The following COMMD10 variants were observed in gnomAD, a reference collection of about 807,000 sequenced individuals.
The protein encoded by COMMD10 is COMM domain containing 10, also known as COMM domain-containing protein 10.
In COMMD10, 33 loss-of-function variants were observed where a neutral mutation model predicts 28.9. That is an observed-to-expected ratio of 1.14 (90% confidence interval 0.87 to 1.53). The LOEUF (loss-of-function observed/expected upper bound fraction) is 1.53. Ranked by LOEUF, COMMD10 falls within the 40% of genes most tolerant of loss-of-function variation. COMMD10 has a pLI of 0.00. For missense variants in COMMD10, 310 were observed against 233.4 expected (o/e 1.33, Z -2.14); for synonymous variants, 110 against 81.7 (o/e 1.35, Z -1.87).
At chr5:116,247,071 C>T (rs1439242519) in intron 5 of COMMD10, among the ~76,000 whole-genome samples, 1 of 151,458 alleles carries the variant, frequency 6.6e-6, no homozygotes, top group Non-Finnish European at 1.5e-5. Context: ...GCAAACTTTG[C>T]ATCCAACAAA....
chr5:116,172,098 G>T (rs73255152), intron 5 of COMMD10, among the ~76,000 whole-genome samples: 1 of 151,994 alleles, frequency 6.6e-6, no homozygotes, highest in Non-Finnish European at 1.5e-5. Flanking sequence ...ACCAAAGGCT[G>T]GAAAAATATA....
chr5:116,211,580 A>G (rs1748965099), intron 5 of COMMD10, among the ~76,000 whole-genome samples: 1 of 151,580 alleles, frequency 6.6e-6, no homozygotes, highest in South Asian at 2.1e-4. Context: ...GTGCATGACT[A>G]TATATATATT....
chr5:116,126,955 C>T (rs1188952417), intron 4 of COMMD10, among the ~76,000 whole-genome samples: 2 of 152,088 alleles, frequency 1.3e-5, no homozygotes, highest in Non-Finnish European at 2.9e-5. Context: ...AGCTTCTGCA[C>T]AGCAAAAGAA....
At chr5:116,205,636 G>A (rs1479444881) in intron 5 of COMMD10, among the ~76,000 whole-genome samples, 1 of 152,084 alleles carries the variant, frequency 6.6e-6, no homozygotes, top group Non-Finnish European at 1.5e-5. Context: ...ATGTTTTTGT[G>A]TGTATATGTT....
Position 116,172,873 on chromosome 5 carries a change from G to A in COMMD10, c.510+38695G>A, listed in dbSNP as rs545423336. Among the ~76,000 whole-genome samples, 7 of 152,190 alleles carry A rather than the reference G, an allele frequency of 4.6e-5. No homozygotes were observed. In the East Asian group the frequency reaches 9.7e-4, roughly 21 times the overall value. ...AATACGATGAAATTTCAGTGTTCTTGCAAAAATTTGACTAATACAAGAATT... is the reference window on the plus strand; with the variant it reads ...AATACGATGAAATTTCAGTGTTCTTACAAAAATTTGACTAATACAAGAATT... On this transcript the variant is annotated intron_variant, in intron 5 of 6. Transcript: ENST00000274458.
intron 4 of COMMD10, among the ~76,000 whole-genome samples, chr5:116,121,450 A>G (rs973849849): frequency 2.0e-5 from 3 of 152,216 alleles, no homozygotes; most frequent in Non-Finnish European, 4.4e-5. Flanking sequence ...ATACATGTGC[A>G]TGTGTCTTTA....
chr5:116,116,122 A>T (rs1020718225), intron 4 of COMMD10, among the ~76,000 whole-genome samples: 2 of 152,208 alleles, frequency 1.3e-5, no homozygotes, highest in Non-Finnish European at 2.9e-5. Flanking sequence ...AGAAATCTAC[A>T]TGAAAAAATG....
At chr5:116,283,354 T>C (rs1221329269) in intron 5 of COMMD10, among the ~76,000 whole-genome samples, 1 of 151,488 alleles carries the variant, frequency 6.6e-6, no homozygotes, top group African/African-American at 2.4e-5. Context: ...ATAACAACTT[T>C]TTTTTTTTTT....
chr5:116,192,622 AAAG>A (rs1179274970), intron 5 of COMMD10, among the ~76,000 whole-genome samples: 3 of 152,162 alleles, frequency 2.0e-5, no homozygotes, highest in Non-Finnish European at 4.4e-5. Flanking sequence ...CAAAGACAAA[AAAG>A]AATAAGAAAA....
chr5:116,103,510 G>GGGTTATTT (rs1750733546), intron 4 of COMMD10, among the ~76,000 whole-genome samples: 2 of 151,180 alleles, frequency 1.3e-5, no homozygotes, highest in African/African-American at 4.9e-5. Flanking sequence ...CTTTTTGATG[G>GGGTTATTT]GTTTTTTTCT....
intron 5 of COMMD10, among the ~76,000 whole-genome samples, chr5:116,167,686 T>C (rs1001645844): frequency 6.6e-6 from 1 of 152,118 alleles, no homozygotes; most frequent in African/African-American, 2.4e-5. Context: ...TTCAACACTC[T>C]TAAAGAAAAG....
chr5:116,111,952 T>C (rs1332868590), intron 4 of COMMD10, among the ~76,000 whole-genome samples: 1 of 152,166 alleles, frequency 6.6e-6, no homozygotes, highest in Non-Finnish European at 1.5e-5. Flanking sequence ...GCTCAAATGT[T>C]GGGTGCATGT....
intron 5 of COMMD10, among the ~76,000 whole-genome samples, chr5:116,136,839 G>A (rs1752038379): frequency 1.3e-5 from 2 of 152,154 alleles, no homozygotes; most frequent in Admixed American, 1.3e-4. Context: ...TGCTGAGGAA[G>A]AAGAGGAGAA....
At chr5:116,278,678 A>G (rs1750983381) in intron 5 of COMMD10, among the ~76,000 whole-genome samples, 1 of 151,848 alleles carries the variant, frequency 6.6e-6, no homozygotes, top group Non-Finnish European at 1.5e-5. Context: ...CTGGTCAAAG[A>G]CAGTTTGTTA....
At chr5:116,214,868 C>T (rs1002475096) in intron 5 of COMMD10, among the ~76,000 whole-genome samples, 15 of 151,990 alleles carry the variant, frequency 9.9e-5, no homozygotes, top group East Asian at 1.9e-4. Context: ...TGGAAAAATA[C>T]GATCTCTTTT....
rs188971968 is a variant in COMMD10 at position 116,257,454 on chromosome 5, T to G, written c.511-34063T>G. 2.6e-5 allele frequency among the ~76,000 whole-genome samples: 4 copies of G among 151,862 alleles called. 1 individual carries two copies. Among genetic ancestry groups the G allele is most frequent in the African/African-American group, 9.7e-5 (4 of 41,260 alleles). ...TCCACGATAAAGAAATATTTAATTTTCATATGAAATTTATGAAAGGAAAAT... is the reference window on the plus strand; with the variant it reads ...TCCACGATAAAGAAATATTTAATTTGCATATGAAATTTATGAAAGGAAAAT... On this transcript the variant is annotated intron_variant, in intron 5 of 6. Transcript: ENST00000274458.
At chr5:116,169,080 A>T (rs1753230992) in intron 5 of COMMD10, among the ~76,000 whole-genome samples, 2 of 152,212 alleles carry the variant, frequency 1.3e-5, no homozygotes, top group South Asian at 4.1e-4. Context: ...TCTGAAAAGA[A>T]TTAACAAAAT....
chr5:116,134,030 T>G, intron 4 of COMMD10, 38 bp from the exon 5 acceptor site: 3 of 1,146,612 alleles, frequency 2.6e-6, no homozygotes, highest in Non-Finnish European at 4.0e-6. Flanking sequence ...TTCTTCCTTC[T>G]GTACCATCTG....
At chr5:116,125,772 C>T (rs541873641) in intron 4 of COMMD10, among the ~76,000 whole-genome samples, 1 of 152,068 alleles carries the variant, frequency 6.6e-6, no homozygotes, top group East Asian at 1.9e-4. Context: ...TTTCTCTAAA[C>T]TTCTCGCTTC....
Sources: gnomAD v4.1 joint callset for allele counts (sites outside exome capture counted in the v4.1 genomes callset) on GRCh38, gnomAD v4.1.1 for gene constraint, MANE v1.5 for transcripts, NCBI Gene and HGNC (gene_info 2026-07-23, HGNC 2026-07-21) for gene names.